DDC: variants seen among roughly 807,000 people sequenced by gnomAD.
DDC encodes the protein dopa decarboxylase.
DDC carries 43 observed loss-of-function variants against 60.0 expected under a neutral mutation model. The observed-to-expected ratio is 0.72, with a 90% CI of 0.56 to 0.92. The LOEUF (loss-of-function observed/expected upper bound fraction) is 0.92, where lower values mean the gene tolerates loss of function less well. Ranked by LOEUF, DDC falls within the 40% of genes least tolerant of loss-of-function variation. The pLI, the probability that DDC is intolerant of heterozygous loss-of-function variation, is 0.00. For synonymous variants in DDC, 232 were observed against 234.6 expected, an observed-to-expected ratio of 0.99 and a Z score of 0.10; for missense variants, 573 against 620.2, an observed-to-expected ratio of 0.92 and a Z score of 0.81.
In DDC at chr7:50,463,289, C is replaced by A; in HGVS notation, c.1385G>T (p.Arg462Leu). The change falls in exon 14 of 15, where the codon CGG becomes CTG. Residue 462 changes from arginine (R) to leucine (L), a missense_variant. Coordinates refer to ENST00000444124, the MANE Select transcript of DDC (RefSeq NM_001082971.2). ...CAGCTCTTTGATGTGTTCCCAGGCC[C>A]GCTGCACATGGGCAGATTCCACCGT... ...SRTVESAHVQ[R>L]AWEHIKELAA... 1 of 1,614,184 alleles carries A rather than the reference C, an allele frequency of 6.2e-7. No individual in the cohort carries two copies. The highest frequency in any genetic ancestry group is 8.5e-7 in the Non-Finnish European group (1 of 1,180,036).
At chr7:50,529,469 C>A in intron 4 of DDC, 127 bp from the exon 5 acceptor site, 1 of 1,114,942 alleles carries the variant, frequency 9.0e-7, no homozygotes, top group Non-Finnish European at 1.3e-6. Flanking sequence ...TGGCAAAATT[C>A]ACTCTCCTTT....
intron 1 of DDC, among the ~76,000 whole-genome samples, chr7:50,544,764 G>A (rs2044746943): frequency 6.6e-6 from 1 of 152,154 alleles, no homozygotes; most frequent in African/African-American, 2.4e-5. Flanking sequence ...TACAACAGTT[G>A]CCATGGCCAT....
intron 6 of DDC, among the ~76,000 whole-genome samples, chr7:50,521,581 T>C (rs2043891807): frequency 6.6e-6 from 1 of 152,194 alleles, no homozygotes. Context: ...GTGAGATCTA[T>C]TCCAGGATGG....
chr7:50,486,842 C>A (rs1192119234), intron 9 of DDC, among the ~76,000 whole-genome samples: 1 of 152,146 alleles, frequency 6.6e-6, no homozygotes, highest in Non-Finnish European at 1.5e-5. Flanking sequence ...AGAGCTACAG[C>A]TAAAAGGTTA....
chr7:50,467,650 C>A (rs1315528671), intron 12 of DDC, among the ~76,000 whole-genome samples: 1 of 152,222 alleles, frequency 6.6e-6, no homozygotes, highest in Non-Finnish European at 1.5e-5. Flanking sequence ...ATGGCTAATG[C>A]CCATCGAGTT....
intron 6 of DDC, among the ~76,000 whole-genome samples, chr7:50,520,898 A>G (rs976159958): frequency 6.8e-6 from 1 of 147,122 alleles, no homozygotes; most frequent in Non-Finnish European, 1.5e-5. Context: ...ACTCTGTCTC[A>G]GAAAATAAAT....
At chr7:50,478,156 A>T (rs1051558837) in intron 10 of DDC, among the ~76,000 whole-genome samples, 1 of 152,064 alleles carries the variant, frequency 6.6e-6, no homozygotes, top group African/African-American at 2.4e-5. Context: ...GAGGCTGCAG[A>T]GAGCCAAGGT....
In DDC at chr7:50,462,237, A is replaced by G. The variant is rs538100223; in HGVS notation, c.*18+976T>C. Among the ~76,000 whole-genome samples, 303 of 150,604 alleles carry G rather than the reference A, an allele frequency of 2.0e-3. 2 individuals carry two copies. Among genetic ancestry groups the G allele is most frequent in the African/African-American group, 6.9e-3 (286 of 41,260 alleles). On this transcript the variant is annotated intron_variant, in intron 14 of 14. Transcript: ENST00000444124. ...ATGGGACAAAAAGACAAAAAAAAAA[A>G]AAAAAAAAAAAGAAAATAAACAGAA...
chr7:50,484,552 T>C (rs557553619), intron 9 of DDC, among the ~76,000 whole-genome samples: 4 of 152,324 alleles, frequency 2.6e-5, no homozygotes, highest in African/African-American at 9.6e-5. Context: ...CTCTTCAATA[T>C]TTAGGTACTA....
Position 50,469,211 on chromosome 7 carries a change from C to T in DDC, c.1140+862G>A, listed in dbSNP as rs186764474. 4.2e-4 allele frequency among the ~76,000 whole-genome samples: 61 copies of T among 145,594 alleles called. 1 individual carries two copies. The highest frequency in any genetic ancestry group is 3.5e-3 in the Middle Eastern group (1 of 284). On this transcript the variant is annotated intron_variant, in intron 12 of 14. Coordinates refer to ENST00000444124, the MANE Select transcript of DDC (RefSeq NM_001082971.2). The stretch of plus-strand genomic sequence containing the variant: ...TGCCCACCTCGGCCTCCCAAAGTGC[C>T]GGGATTACATGCGTGAGCCACCACA...
chr7:50,537,641 C>T (rs901608878), intron 4 of DDC, among the ~76,000 whole-genome samples: 1 of 152,184 alleles, frequency 6.6e-6, no homozygotes, highest in Non-Finnish European at 1.5e-5. Flanking sequence ...GAACTGAGTG[C>T]CCTGCCCTGG....
At chr7:50,468,925 T>G (rs2042462254) in intron 12 of DDC, among the ~76,000 whole-genome samples, 1 of 144,042 alleles carries the variant, frequency 6.9e-6, no homozygotes, top group Non-Finnish European at 1.5e-5. Flanking sequence ...AGGACTCAGT[T>G]TCCTCATTTT....
chr7:50,529,720 G>A (rs1049900115), intron 4 of DDC, among the ~76,000 whole-genome samples: 8 of 152,306 alleles, frequency 5.3e-5, no homozygotes, highest in East Asian at 1.9e-4. Context: ...CTGACTCTGC[G>A]TTCATATTCA....
chr7:50,535,500 GA>G (rs1277272678), intron 4 of DDC, among the ~76,000 whole-genome samples: 2 of 152,188 alleles, frequency 1.3e-5, no homozygotes, highest in Non-Finnish European at 2.9e-5. Context: ...TGGAAAAAGA[GA>G]TAACCAAAGA....
intron 6 of DDC, among the ~76,000 whole-genome samples, chr7:50,506,119 T>C (rs2043388428): frequency 6.6e-6 from 1 of 152,088 alleles, no homozygotes; most frequent in Admixed American, 6.6e-5. Flanking sequence ...ATAATTTCAG[T>C]GGGCTCTGGG....
In DDC at chr7:50,479,835, C is replaced by T. The variant is rs768264090; in HGVS notation, c.973G>A (p.Ala325Thr). The T allele has an allele frequency of 3.1e-6, 5 of 1,613,662 alleles. No homozygotes were observed. In the African/African-American group the frequency reaches 4.0e-5, roughly 13 times the overall value. ...WVKKRTDLTG[A>T]FRLDPTYLKH... ...AGGTAAGTGGGGTCCAGTCTAAAGGCTCCCGTTAAGTCTGTTCTCTTTTTC... is the reference window on the plus strand; with the variant it reads ...AGGTAAGTGGGGTCCAGTCTAAAGGTTCCCGTTAAGTCTGTTCTCTTTTTC... The change falls in exon 10 of 15, where the codon GCC becomes ACC. Residue 325 changes from alanine to threonine, a missense_variant. Physicochemically the swap from Ala to Thr is moderately conservative, Grantham distance 58 (BLOSUM62 0). Coordinates refer to ENST00000444124, the MANE Select transcript of DDC (RefSeq NM_001082971.2).
intron 9 of DDC, among the ~76,000 whole-genome samples, chr7:50,487,296 C>G (rs753304770): frequency 3.3e-5 from 5 of 151,910 alleles, no homozygotes; most frequent in Non-Finnish European, 7.4e-5. Context: ...CAAAACTGTC[C>G]CCAGTAATTT....
intron 1 of DDC, among the ~76,000 whole-genome samples, chr7:50,557,475 G>A (rs548139464): frequency 3.3e-5 from 5 of 152,334 alleles, no homozygotes; most frequent in South Asian, 2.1e-4. Flanking sequence ...AGTCCTGACC[G>A]TAGACAATTC....
intron 5 of DDC, 55 bp downstream of exon 5, chr7:50,529,153 A>T: frequency 6.2e-7 from 1 of 1,609,576 alleles, no homozygotes; most frequent in Non-Finnish European, 8.5e-7. Flanking sequence ...AATTTGACAT[A>T]AAACCAAACA....
Sources: allele counts gnomAD v4.1 joint callset (sites outside exome capture counted in the v4.1 genomes callset), GRCh38; gene constraint gnomAD v4.1.1; transcripts MANE v1.5; gene names NCBI Gene and HGNC (gene_info 2026-07-23, HGNC 2026-07-21).